Variants in BAZ2A observed in about 807,000 individuals in gnomAD.
The protein encoded by BAZ2A is bromodomain adjacent to zinc finger domain protein 2A.
BAZ2A carries 34 observed loss-of-function variants against 199.9 expected under a neutral mutation model. The observed-to-expected ratio is 0.17, with a 90% CI of 0.13 to 0.23. The LOEUF (loss-of-function observed/expected upper bound fraction) is 0.23, where lower values mean the gene tolerates loss of function less well. BAZ2A is among the 10% of genes least tolerant of loss of function. BAZ2A has a pLI of 1.00. For synonymous variants in BAZ2A, 857 were observed against 883.9 expected (o/e 0.97, Z 0.54); for missense variants, 2,002 against 2,391.1 (o/e 0.84, Z 3.39).
At position 56,615,382 on chromosome 12, in the gene BAZ2A, A is replaced by G. The variant is rs779758159; in HGVS notation, c.362T>C (p.Leu121Pro). Reference sequence around the variant, plus strand: ...CCGGCTGCCCCCAAGGATGCCGTTGAGTGGGTATTGTCCCCCCGAGAACTG... The same window carrying G: ...CCGGCTGCCCCCAAGGATGCCGTTGGGTGGGTATTGTCCCCCCGAGAACTG... ...LSQFSGGQYP[L>P]NGILGGSRQP... The change falls in exon 3 of 29, where the codon CTC (leucine) becomes CCC (proline). Residue 121 changes from leucine (L) to proline (P), a missense_variant. Coordinates refer to ENST00000549884, the MANE Select transcript of BAZ2A (RefSeq NM_001300905.2). 1 of 1,613,222 alleles carries G rather than the reference A, an allele frequency of 6.2e-7. No individual in the cohort carries two copies. The highest frequency in any genetic ancestry group is 8.5e-7 in the Non-Finnish European group (1 of 1,179,610).
At chr12:56,634,945 C>G, upstream of BAZ2A, 1 of 985,142 alleles carries the variant, frequency 1.0e-6, no homozygotes, top group Non-Finnish European at 1.2e-6. Context: ...CGGGCCTCAC[C>G]TGGAGCAGGG....
At chr12:56,631,944 A>T (rs1459240828), upstream of BAZ2A, among the ~76,000 whole-genome samples, 1 of 152,152 alleles carries the variant, frequency 6.6e-6, no homozygotes, top group Non-Finnish European at 1.5e-5. Context: ...ATAAGAAGGA[A>T]GCTAGCTTTA....
chr12:56,609,662 G>T, intron 10 of BAZ2A, 74 bp downstream of exon 10: 1 of 1,430,310 alleles, frequency 7.0e-7, no homozygotes, highest in Non-Finnish European at 9.7e-7. Flanking sequence ...GGAAATCCAG[G>T]TATTAGCAAT....
chr12:56,600,454 C>A lies in BAZ2A; in HGVS notation c.4639G>T (p.Asp1547Tyr). The change falls in exon 24 of 29, where the codon GAC becomes TAC. Residue 1547 changes from aspartate (D) to tyrosine (Y), a missense_variant. By Grantham distance (160) the Asp-to-Tyr change is radical. Around this residue, in one of 6 missense-constraint regions of BAZ2A, gnomAD observed 1,081 missense variants for 1,274.7 expected, o/e 0.85. Coordinates refer to ENST00000549884, the MANE Select transcript of BAZ2A (RefSeq NM_001300905.2). Reference sequence around the variant, plus strand: ...GAGAGGTGCTCACAGTAGGCCAAGTCTTCACGGGTAGAGTCTGGGCTAGGA... The same window carrying A: ...GAGAGGTGCTCACAGTAGGCCAAGTATTCACGGGTAGAGTCTGGGCTAGGA... Reference protein sequence around the residue: ...TCPSPDSTREDLAYCEHLSDS... With the variant: ...TCPSPDSTREYLAYCEHLSDS... 1 of 1,613,776 alleles carries A rather than the reference C, an allele frequency of 6.2e-7. No individual in the cohort carries two copies. Among genetic ancestry groups the A allele is most frequent in the Non-Finnish European group, 8.5e-7 (1 of 1,179,872 alleles).
At chr12:56,614,218 T>C (rs1013217100) in intron 3 of BAZ2A, 80 bp from the exon 4 acceptor site, 4 of 1,386,632 alleles carry the variant, frequency 2.9e-6, no homozygotes, top group Non-Finnish European at 4.0e-6. Context: ...CAGTCAATCT[T>C]TGCTAGAAGG....
intron 2 of BAZ2A, 142 bp from the exon 3 acceptor site, chr12:56,615,749 G>C: frequency 2.7e-6 from 2 of 735,550 alleles, no homozygotes; most frequent in Non-Finnish European, 4.3e-6. Flanking sequence ...TTAGTTTTTG[G>C]GTCTCTGGAG....
At chr12:56,604,159 T>C (rs949233292) in intron 16 of BAZ2A, 58 bp downstream of exon 16, 1 of 1,503,750 alleles carries the variant, frequency 6.7e-7, no homozygotes. Flanking sequence ...ACCCTGGCTA[T>C]GCTTCACCCG....
In BAZ2A at chr12:56,611,807, C is replaced by A; in HGVS notation, c.1575G>T (p.Glu525Asp). The change falls in exon 6 of 29, where the codon GAG becomes GAT. Residue 525 changes from glutamate (E) to aspartate (D), a missense_variant. Around this residue, in one of 6 missense-constraint regions of BAZ2A, gnomAD observed 641 missense variants for 694.5 expected, o/e 0.92. Transcript: ENST00000549884. Reference sequence around the variant, plus strand: ...AAGCAGTGAGTCCTTCTCCAGTGATCTCTTCCACGTCAGCAGTGGTTTCTA... The same window carrying A: ...AAGCAGTGAGTCCTTCTCCAGTGATATCTTCCACGTCAGCAGTGGTTTCTA... ...SFLETTADVE[E>D]ITGEGLTASG... 1 of 1,554,824 alleles carries A rather than the reference C, an allele frequency of 6.4e-7. No individual in the cohort carries two copies. The highest frequency in any genetic ancestry group is 1.2e-5 in the South Asian group (1 of 80,964).
chr12:56,606,204 G>C, intron 12 of BAZ2A, 43 bp downstream of exon 12: 1 of 1,612,204 alleles, frequency 6.2e-7, no homozygotes, highest in Non-Finnish European at 8.5e-7. Context: ...AATCAGTTTA[G>C]TGGCTTCGAA....
chr12:56,600,433 G>A lies in BAZ2A; in HGVS notation c.4660C>T (p.Leu1554Phe). ...TREDLAYCEH[L>F]SDSQEDITWR... The stretch of plus-strand genomic sequence containing the variant: ...GTGATATCCTCCTGGGAGTCGGAGA[G>A]GTGCTCACAGTAGGCCAAGTCTTCA... The change falls in exon 24 of 29, where the codon CTC becomes TTC. Residue 1554 changes from leucine to phenylalanine, a missense_variant. Around this residue, in one of 6 missense-constraint regions of BAZ2A, gnomAD observed 1,081 missense variants for 1,274.7 expected, o/e 0.85. Transcript: ENST00000549884. 1 of 1,613,994 alleles carries A rather than the reference G, an allele frequency of 6.2e-7. No individual in the cohort carries two copies. Among genetic ancestry groups the A allele is most frequent in the Non-Finnish European group, 8.5e-7 (1 of 1,179,896 alleles).
In BAZ2A at chr12:56,600,331, G is replaced by A. The variant is rs1353040460; in HGVS notation, c.4762C>T (p.Leu1588=). The A allele has an allele frequency of 1.2e-6, 2 of 1,614,008 alleles. No individual in the cohort carries two copies. The highest frequency in any genetic ancestry group is 1.7e-4 in the Middle Eastern group (1 of 6,060). Residue 1588 remains leucine (L), a synonymous_variant, in exon 24 of 29, where the codon CTG becomes TTG. Transcript: ENST00000549884. ...TCTACATTCTGTTCCAGGGCAGCCA[G>A]CCGCATCACAGCCAGGTCCAAAGGG... ...TNPLDLAVMR[L]AALEQNVERR... is the part of the protein sequence containing the mutation.
At position 56,617,443 on chromosome 12, in the gene BAZ2A, C is replaced by T; in HGVS notation, c.88G>A (p.Gly30Ser). The change falls in exon 2 of 29, where the codon GGC (glycine) becomes AGC (serine). Residue 30 changes from glycine (G) to serine (S), a missense_variant. Gly to Ser is a moderately conservative substitution (Grantham distance 56). Coordinates refer to ENST00000549884, the MANE Select transcript of BAZ2A (RefSeq NM_001300905.2). The part of the protein sequence containing the change: ...GLKPSPSSGE[G>S]LYTNGSPMNF... Reference sequence around the variant, plus strand: ...ATGGGAGACCCGTTAGTGTAGAGGCCCTCCCCTGAGGAAGGAGAGGGTTTC... The same window carrying T: ...ATGGGAGACCCGTTAGTGTAGAGGCTCTCCCCTGAGGAAGGAGAGGGTTTC... 1 of 1,606,398 alleles carries T rather than the reference C, an allele frequency of 6.2e-7. No homozygotes were observed. The highest frequency in any genetic ancestry group is 8.5e-7 in the Non-Finnish European group (1 of 1,176,622).
chr12:56,612,261 G>A lies in BAZ2A; in HGVS notation c.1136-15C>T, dbSNP rs747686158. 9.4e-6 allele frequency: 15 copies of A among 1,601,272 alleles called. No individual in the cohort carries two copies. The Admixed American group carries it at 1.7e-4, about 18-fold the overall frequency. ...AAAGCTGTTATCTAGAATCCAAAGG[G>A]ACAGGATAGGCTTTAAAAAAAAAAA... On this transcript the variant is annotated splice_polypyrimidine_tract_variant and intron_variant, in intron 5 of 28. Coordinates refer to ENST00000549884, the MANE Select transcript of BAZ2A (RefSeq NM_001300905.2).
Position 56,610,520 on chromosome 12 carries a change from G to A in BAZ2A, c.1671-3C>T. On this transcript the variant is annotated splice_region_variant and splice_polypyrimidine_tract_variant and intron_variant, in intron 7 of 28. Coordinates refer to ENST00000549884, the MANE Select transcript of BAZ2A (RefSeq NM_001300905.2). The stretch of plus-strand genomic sequence containing the variant: ...TGATGCGCACCTCTCTCCGCCACCT[G>A]CCAGAGAAGCACATGGGCCCTGCCG... 1.2e-6 allele frequency: 2 copies of A among 1,608,126 alleles called. No individual in the cohort carries two copies. Among genetic ancestry groups the A allele is most frequent in the South Asian group, 1.1e-5 (1 of 90,016 alleles).
chr12:56,638,287 G>A, upstream of BAZ2A: 2 of 1,566,426 alleles, frequency 1.3e-6, no homozygotes, highest in Non-Finnish European at 1.8e-6. Context: ...TTGGGTTAGG[G>A]GCAAGGAGAG....
At position 56,604,240 on chromosome 12, in the gene BAZ2A, C is replaced by A; in HGVS notation, c.3015G>T (p.Trp1005Cys). 6.2e-7 allele frequency: 1 copy of A among 1,608,218 alleles called. No homozygotes were observed. ...ESMSSYRKNKWIVEGRLRRLK... is the reference protein window; with the variant it reads ...ESMSSYRKNKCIVEGRLRRLK... ...ACCTCCGGAGCCGGCCTTCAACAAT[C>A]CACTTGTTTTTCCTGTAGCTGGACA... is the stretch of plus-strand genomic sequence containing the variant. The change falls in exon 16 of 29, where the codon TGG becomes TGT. Residue 1005 changes from tryptophan (W) to cysteine (C), a missense_variant. By Grantham distance (215) the Trp-to-Cys change is radical. Transcript: ENST00000549884.
chr12:56,637,077 C>G (rs368255088), upstream of BAZ2A, among the ~76,000 whole-genome samples: 44 of 152,300 alleles, frequency 2.9e-4, 1 homozygote, highest in South Asian at 8.5e-3. Context: ...AGGCTCCTCC[C>G]CAGGACAAAA....
intron 1 of BAZ2A, among the ~76,000 whole-genome samples, chr12:56,618,427 T>C (rs1423939017): frequency 6.6e-6 from 1 of 151,964 alleles, no homozygotes; most frequent in Non-Finnish European, 1.5e-5. Flanking sequence ...AAGAAGCCCT[T>C]GATCAGAATG....
chr12:56,603,363 C>G lies in BAZ2A; in HGVS notation c.3275G>C (p.Ser1092Thr). 1 of 1,613,988 alleles carries G rather than the reference C, an allele frequency of 6.2e-7. No homozygotes were observed. Among genetic ancestry groups the G allele is most frequent in the Non-Finnish European group, 8.5e-7 (1 of 1,179,858 alleles). ...PELERQIEKL[S>T]KRQLFFRKKL... ...GGGAGGTTAGAAGCACAATACCTTG[C>G]TGAGTTTTTCTATCTGGCGCTCTAG... Residue 1092 changes from serine to threonine, a missense_variant, in exon 18 of 29, where the codon AGC becomes ACC. This residue lies in a region of BAZ2A where 1,081 missense variants were observed against 1,274.7 expected (regional missense o/e 0.85). Transcript: ENST00000549884.
Sources: allele counts gnomAD v4.1 joint callset (sites outside exome capture counted in the v4.1 genomes callset), GRCh38; gene constraint gnomAD v4.1.1; regional missense constraint gnomAD v4.1.1; transcripts MANE v1.5; gene names NCBI Gene and HGNC (gene_info 2026-07-23, HGNC 2026-07-21).